NACC2: variants seen among roughly 807,000 people sequenced by gnomAD.
NACC2 encodes the protein NACC family member 2, also known as nucleus accumbens-associated protein 2.
NACC2 carries 8 observed loss-of-function variants against 25.1 expected under a neutral mutation model. The observed-to-expected ratio is 0.32, with a 90% CI of 0.19 to 0.57. The LOEUF is 0.57. Among genes scored for constraint, NACC2 ranks in the 20% least tolerant of loss-of-function variants. The pLI is 0.89. For synonymous variants in NACC2, 435 were observed against 294.7 expected (o/e 1.48, Z -4.88); for missense variants, 644 against 650.2 (o/e 0.99, Z 0.10).
At chr9:136,085,619 G>C (rs1830371403) in intron 1 of NACC2, among the ~76,000 whole-genome samples, 1 of 152,224 alleles carries the variant, frequency 6.6e-6, no homozygotes, top group Non-Finnish European at 1.5e-5. Context: ...CGGCTGCCAG[G>C]GGGTGGGTAC....
At chr9:136,061,691 G>T (rs1302951636) in intron 1 of NACC2, among the ~76,000 whole-genome samples, 1 of 152,192 alleles carries the variant, frequency 6.6e-6, no homozygotes, top group Non-Finnish European at 1.5e-5. Context: ...GTCAGAAAGA[G>T]GCAGATCGGA....
At chr9:136,031,381 AGGCTGGGGTGCAGTGGCACAATCTC>A (rs1840470222) in intron 2 of NACC2, among the ~76,000 whole-genome samples, 1 of 149,682 alleles carries the variant, frequency 6.7e-6, no homozygotes, top group South Asian at 2.1e-4. Context: ...TCCATCACCC[AGGCTGGGGTGCAGTGGCACAATCTC>A]GGCTCACTGC....
At chr9:136,060,599 G>T (rs971017476) in intron 1 of NACC2, among the ~76,000 whole-genome samples, 1 of 152,222 alleles carries the variant, frequency 6.6e-6, no homozygotes, top group Non-Finnish European at 1.5e-5. Flanking sequence ...GCCCGAGAAG[G>T]CCAAGCCCTG....
chr9:136,070,246 G>A (rs982165794), intron 1 of NACC2, among the ~76,000 whole-genome samples: 7 of 151,974 alleles, frequency 4.6e-5, no homozygotes, highest in African/African-American at 1.2e-4. Flanking sequence ...GGTGGCTCAC[G>A]CCTGTAATCC....
intron 1 of NACC2, among the ~76,000 whole-genome samples, chr9:136,058,927 C>T (rs1472926811): frequency 1.3e-5 from 2 of 152,226 alleles, no homozygotes; most frequent in Non-Finnish European, 2.9e-5. Context: ...CAGTGGATAG[C>T]GCTGCCCCTG....
In NACC2 at chr9:136,011,825, A is replaced by C. The variant is rs9626; in HGVS notation, c.1455T>G (p.Pro485=). The C allele has an allele frequency of 6.4e-7, 1 of 1,568,742 alleles. No individual in the cohort carries two copies. The highest frequency in any genetic ancestry group is 8.6e-7 in the Non-Finnish European group (1 of 1,159,770). Residue 485 remains proline, a synonymous_variant, in exon 6 of 6, where the codon CCT becomes CCG. Coordinates refer to ENST00000277554, the MANE Select transcript of NACC2 (RefSeq NM_144653.5). ...ASVPLDPEFP[P]AAAQVFEQRI... Reference sequence around the variant, plus strand: ...GTTGCTCGAACACCTGTGCCGCGGCAGGCGGGAACTCGGGGTCGAGGGGCA... The same window carrying C: ...GTTGCTCGAACACCTGTGCCGCGGCCGGCGGGAACTCGGGGTCGAGGGGCA...
intron 1 of NACC2, among the ~76,000 whole-genome samples, chr9:136,094,551 G>A (rs1363520523): frequency 1.3e-5 from 2 of 152,180 alleles, no homozygotes; most frequent in Admixed American, 6.5e-5. Flanking sequence ...GCTCCGCAGA[G>A]GCACAGAAGC....
At chr9:136,072,125 C>G (rs1241665070) in intron 1 of NACC2, among the ~76,000 whole-genome samples, 1 of 152,102 alleles carries the variant, frequency 6.6e-6, no homozygotes, top group Non-Finnish European at 1.5e-5. Flanking sequence ...ATAATCCCAG[C>G]CACTCGGGAG....
chr9:136,046,672 C>A (rs1263733246), intron 2 of NACC2, among the ~76,000 whole-genome samples: 1 of 152,210 alleles, frequency 6.6e-6, no homozygotes, highest in African/African-American at 2.4e-5. Context: ...TTGCTCCTGA[C>A]TGCAACAAAC....
chr9:136,023,032 AGGAAGGAGGGAG>A (rs1372637321), intron 2 of NACC2, among the ~76,000 whole-genome samples: 62 of 89,870 alleles, frequency 6.9e-4, no homozygotes, highest in African/African-American at 2.6e-3. Flanking sequence ...CATTCACATC[AGGAAGGAGGGAG>A]GGAAGGAGGG....
In NACC2 at chr9:136,008,605, A is replaced by G. The variant is rs983044302; in HGVS notation, c.*2911T>C. On this transcript the variant is annotated 3_prime_UTR_variant, in exon 6 of 6. Transcript: ENST00000277554. The stretch of plus-strand genomic sequence containing the variant: ...ACAACCCCGGATTCTAGAATTAGTC[A>G]TCTTGTAAACAAAGGAGGGAAGGGT... 1.3e-5 allele frequency: 2 copies of G among 152,254 alleles called. No individual in the cohort carries two copies. Among genetic ancestry groups the G allele is most frequent in the African/African-American group, 4.8e-5 (2 of 41,450 alleles). 9.4% of individuals were successfully genotyped at this position (152,254 alleles called of 1,614,324 possible).
intron 1 of NACC2, among the ~76,000 whole-genome samples, chr9:136,078,773 C>A (rs1264902253): frequency 6.6e-6 from 1 of 152,380 alleles, no homozygotes; most frequent in African/African-American, 2.4e-5. Flanking sequence ...GGCACCACAG[C>A]CACCGCCGCA....
chr9:136,076,201 C>T (rs766486429), intron 1 of NACC2, among the ~76,000 whole-genome samples: 4 of 152,186 alleles, frequency 2.6e-5, no homozygotes, highest in African/African-American at 4.8e-5. Flanking sequence ...GATTTCCATC[C>T]AGTAGCAAAG....
chr9:136,012,310 C>G (rs73568821), intron 5 of NACC2, among the ~76,000 whole-genome samples: 1 of 152,282 alleles, frequency 6.6e-6, no homozygotes, highest in Non-Finnish European at 1.5e-5. Flanking sequence ...TGTTTTTAAT[C>G]TCTCCGGGCT....
chr9:136,046,212 C>T (rs1840721917), intron 2 of NACC2, among the ~76,000 whole-genome samples: 2 of 152,194 alleles, frequency 1.3e-5, no homozygotes, highest in African/African-American at 4.8e-5. Context: ...GCAGGGGAGG[C>T]GGAGGCAGGC....
At position 136,067,793 on chromosome 9, in the gene NACC2, G is replaced by C. The variant is rs1404449401; in HGVS notation, c.-59-17213C>G. Among the ~76,000 whole-genome samples the C allele has an allele frequency of 2.0e-5, 3 of 152,244 alleles. No homozygotes were observed. In the East Asian group the frequency reaches 5.8e-4, roughly 29 times the overall value. On this transcript the variant is annotated intron_variant, in intron 1 of 5. Coordinates refer to ENST00000277554, the MANE Select transcript of NACC2 (RefSeq NM_144653.5). ...GAGGTTGCGGTGAGCCGAGATCGCG[G>C]CACTGCCTCCAGTCTGGCAACAGGG...
At chr9:136,049,296 C>T (rs1043027339) in intron 2 of NACC2, among the ~76,000 whole-genome samples, 14 of 152,322 alleles carry the variant, frequency 9.2e-5, no homozygotes, top group South Asian at 4.1e-4. Flanking sequence ...GGGAAGTAGG[C>T]GGGTCCTCCC....
At position 136,006,832 on chromosome 9, in the gene NACC2, A is replaced by G. The variant is rs891001498; in HGVS notation, c.*4684T>C. On this transcript the variant is annotated 3_prime_UTR_variant, in exon 6 of 6. Transcript: ENST00000277554. ...CCTCCTTAAAAAAAAGACAAAAAAA[A>G]AAAGCTAAGCATCTGTGGCTGAAAT... The G allele has an allele frequency of 1.3e-5, 2 of 152,306 alleles. No individual in the cohort carries two copies. The highest frequency in any genetic ancestry group is 2.9e-5 in the Non-Finnish European group (2 of 68,126). The allele number at this position is 152,306 out of a possible 1,614,324, so 9.4% of individuals were successfully genotyped here. A position where few individuals can be genotyped will look rare whatever the true frequency, so the allele number is the denominator to read the frequency against.
At chr9:136,021,579 T>C (rs559416809) in intron 2 of NACC2, among the ~76,000 whole-genome samples, 1 of 152,336 alleles carries the variant, frequency 6.6e-6, no homozygotes, top group Admixed American at 6.5e-5. Context: ...CATACACTTA[T>C]GACCCAGCAA....
Sources: gnomAD v4.1 joint callset for allele counts (sites outside exome capture counted in the v4.1 genomes callset) on GRCh38, gnomAD v4.1.1 for gene constraint, MANE v1.5 for transcripts, NCBI Gene and HGNC (gene_info 2026-07-23, HGNC 2026-07-21) for gene names.